The following DAGLB variants were observed in gnomAD, a reference collection of about 807,000 sequenced individuals.
DAGLB encodes the protein diacylglycerol lipase beta.
In DAGLB, 66 loss-of-function variants were observed where a neutral mutation model predicts 72.1. The ratio of observed to expected loss-of-function variants is 0.92; its 90% CI spans 0.75 to 1.12. DAGLB has a LOEUF of 1.12. Among genes scored for constraint, DAGLB ranks in the 50% most tolerant of loss-of-function variants. DAGLB has a pLI of 0.00. For missense variants in DAGLB, 1,065 were observed against 884.9 expected, an observed-to-expected ratio of 1.20 and a Z score of -2.58; for synonymous variants, 414 against 359.5, an observed-to-expected ratio of 1.15 and a Z score of -1.71.
chr7:6,434,733 A>G, intron 4 of DAGLB, 29 bp downstream of exon 4: 1 of 1,611,486 alleles, frequency 6.2e-7, no homozygotes, highest in Non-Finnish European at 8.5e-7. Flanking sequence ...AACAGAAGAA[A>G]CAGACCAAAC....
intron 1 of DAGLB, among the ~76,000 whole-genome samples, chr7:6,447,030 G>A (rs889723368): frequency 3.3e-5 from 5 of 151,762 alleles, no homozygotes; most frequent in Admixed American, 2.6e-4. Context: ...AAAGAAAAGG[G>A]GTCTCACTAT....
chr7:6,421,042 C>A (rs1250718305), intron 9 of DAGLB, among the ~76,000 whole-genome samples: 4 of 152,184 alleles, frequency 2.6e-5, no homozygotes, highest in Non-Finnish European at 5.9e-5. Flanking sequence ...GTGGCTCACG[C>A]CCGTAATCCC....
At chr7:6,411,097 C>G (rs573355257) in intron 13 of DAGLB, among the ~76,000 whole-genome samples, 2 of 151,832 alleles carry the variant, frequency 1.3e-5, no homozygotes, top group Non-Finnish European at 2.9e-5. Flanking sequence ...TGGTCTCTAT[C>G]TCCTGACCTC....
intron 5 of DAGLB, among the ~76,000 whole-genome samples, chr7:6,431,694 G>C (rs1219222596): frequency 2.6e-5 from 4 of 152,050 alleles, no homozygotes; most frequent in African/African-American, 7.2e-5. Flanking sequence ...ATTGCTTGAA[G>C]TCAGGAGACA....
At chr7:6,411,528 G>A (rs7811883) in intron 13 of DAGLB, among the ~76,000 whole-genome samples, 1,984 of 152,324 alleles carry the variant, frequency 0.013, 33 homozygotes, top group South Asian at 0.031. Flanking sequence ...TCAGGAGGCT[G>A]AGGTGGGAGG....
At chr7:6,446,432 C>T (rs1414759012) in intron 1 of DAGLB, among the ~76,000 whole-genome samples, 4 of 115,160 alleles carry the variant, frequency 3.5e-5, no homozygotes, top group African/African-American at 1.3e-4. Context: ...GAGCCGAGAT[C>T]GTGTCACTGC....
chr7:6,437,161 T>A (rs12672853), intron 2 of DAGLB, among the ~76,000 whole-genome samples: 19,315 of 118,778 alleles, frequency 0.16, 2,056 homozygotes, highest in East Asian at 0.48. Flanking sequence ...CTCAAAATAA[T>A]AATAATAATA....
At chr7:6,443,223 A>G (rs1784888907) in intron 2 of DAGLB, among the ~76,000 whole-genome samples, 1 of 147,188 alleles carries the variant, frequency 6.8e-6, no homozygotes, top group African/African-American at 2.5e-5. Context: ...AAACAAAACA[A>G]AACAAACAAA....
In DAGLB at chr7:6,416,479, C is replaced by G. The variant is rs1366103535; in HGVS notation, c.1427+148G>C. On this transcript the variant is annotated intron_variant, in intron 11 of 14. Coordinates refer to ENST00000297056, the MANE Select transcript of DAGLB (RefSeq NM_139179.4). ...AACCGCCTGAACCTGGGAGGTGGAG[C>G]TTGCAGTGAGCCGAGATCACGCCAC... is the stretch of plus-strand genomic sequence containing the variant. 689 of 1,184,642 alleles carry G rather than the reference C, an allele frequency of 5.8e-4. 1 individual carries two copies. The highest frequency in any genetic ancestry group is 6.9e-4 in the Non-Finnish European group (601 of 871,162). 73.4% of individuals were successfully genotyped at this position (1,184,642 alleles called of 1,614,324 possible). A position where few individuals can be genotyped will look rare whatever the true frequency, so the allele number is the denominator to read the frequency against.
intron 6 of DAGLB, among the ~76,000 whole-genome samples, chr7:6,426,808 C>T (rs539066430): frequency 2.6e-5 from 4 of 152,274 alleles, no homozygotes; most frequent in South Asian, 2.1e-4. Flanking sequence ...CTGTGCTCTA[C>T]GTTTAAAAAA....
intron 2 of DAGLB, among the ~76,000 whole-genome samples, chr7:6,442,478 T>C (rs2115297650): frequency 6.6e-6 from 1 of 152,246 alleles, no homozygotes; most frequent in South Asian, 2.1e-4. Context: ...GCTTCCACTC[T>C]GACCCTGCTA....
At position 6,437,839 on chromosome 7, in the gene DAGLB, A is replaced by G. The variant is rs777596871; in HGVS notation, c.248-1306T>C. Among the ~76,000 whole-genome samples, 189 of 152,148 alleles carry G rather than the reference A, an allele frequency of 1.2e-3. 4 individuals are homozygous for G. The highest frequency in any genetic ancestry group is 3.4e-4 in the Non-Finnish European group (23 of 68,006). The stretch of plus-strand genomic sequence containing the variant: ...GTATTTTTAGTAGAGACTGGGTTTC[A>G]CCATGTTGGCCAGGCTGGTCTTGAA... On this transcript the variant is annotated intron_variant, in intron 2 of 14. Coordinates refer to ENST00000297056, the MANE Select transcript of DAGLB (RefSeq NM_139179.4).
intron 6 of DAGLB, among the ~76,000 whole-genome samples, chr7:6,430,107 A>T (rs1413176584): frequency 2.6e-5 from 4 of 151,632 alleles, no homozygotes; most frequent in Admixed American, 1.3e-4. Context: ...CAGGAGGCTG[A>T]GCCAGTAGCA....
chr7:6,415,169 A>G (rs1250860522), intron 11 of DAGLB, among the ~76,000 whole-genome samples: 1 of 152,132 alleles, frequency 6.6e-6, no homozygotes, highest in Non-Finnish European at 1.5e-5. Context: ...TCAATTAAAA[A>G]AAAAAAAAAG....
At chr7:6,430,250 C>CATATACATATACATATAT (rs1491373912) in intron 6 of DAGLB, among the ~76,000 whole-genome samples, 1 of 45,738 alleles carries the variant, frequency 2.2e-5, no homozygotes, top group African/African-American at 1.0e-4. Flanking sequence ...AATACATGTG[C>CATATACATATACATATAT]ATATATATAT....
chr7:6,445,073 G>A (rs191355597), intron 2 of DAGLB, among the ~76,000 whole-genome samples: 23 of 152,312 alleles, frequency 1.5e-4, no homozygotes, highest in Admixed American at 1.4e-3. Context: ...AAGTCTGGCA[G>A]TTCCTCAAAA....
intron 1 of DAGLB, among the ~76,000 whole-genome samples, chr7:6,446,510 A>G (rs1187634408): frequency 8.3e-6 from 1 of 120,708 alleles, no homozygotes; most frequent in African/African-American, 3.1e-5. Flanking sequence ...AAAAAAAAAA[A>G]GAAATAAAAG....
At chr7:6,421,338 G>C (rs1784115620) in intron 9 of DAGLB, among the ~76,000 whole-genome samples, 1 of 143,824 alleles carries the variant, frequency 7.0e-6, no homozygotes, top group Non-Finnish European at 1.5e-5. Flanking sequence ...GGCAGCGCGG[G>C]AGGCGCAGGC....
intron 6 of DAGLB, 41 bp downstream of exon 6, chr7:6,430,439 A>G: frequency 7.1e-7 from 1 of 1,417,032 alleles, no homozygotes; most frequent in Non-Finnish European, 9.3e-7. Flanking sequence ...TTTTTTTTTA[A>G]GGGAAATATG....
Sources: gnomAD v4.1 joint callset for allele counts (sites outside exome capture counted in the v4.1 genomes callset) on GRCh38, gnomAD v4.1.1 for gene constraint, MANE v1.5 for transcripts, NCBI Gene and HGNC (gene_info 2026-07-23, HGNC 2026-07-21) for gene names.